The following POR variants were observed in gnomAD, a reference collection of about 807,000 sequenced individuals.
The protein encoded by POR is NADPH--cytochrome P450 reductase.
POR carries 56 observed loss-of-function variants against 84.0 expected under a neutral mutation model. That is an observed-to-expected ratio of 0.67 (90% CI 0.54 to 0.83). The LOEUF (loss-of-function observed/expected upper bound fraction) is 0.83. POR is among the 40% of genes least tolerant of loss of function. POR has a pLI of 0.00. For synonymous variants in POR, 414 were observed against 400.5 expected, an observed-to-expected ratio of 1.03 and a Z score of -0.40; for missense variants, 938 against 944.3, an observed-to-expected ratio of 0.99 and a Z score of 0.09.
chr7:75,982,858 T>C (rs1339982919), intron 8 of POR, among the ~76,000 whole-genome samples: 1 of 152,184 alleles, frequency 6.6e-6, no homozygotes. Context: ...AGTTTCTCTC[T>C]TGTCCACGGT....
intron 2 of POR, among the ~76,000 whole-genome samples, chr7:75,961,820 C>T (rs1027957244): frequency 9.2e-5 from 14 of 152,148 alleles, no homozygotes; most frequent in Admixed American, 3.3e-4. Flanking sequence ...TCGAGATCAG[C>T]CTGGGTAGCA....
chr7:75,972,397 C>G lies in POR; in HGVS notation c.189-16C>G. The G allele has an allele frequency of 6.2e-7, 1 of 1,607,926 alleles. No homozygotes were observed. Among genetic ancestry groups the G allele is most frequent in the Non-Finnish European group, 8.5e-7 (1 of 1,176,966 alleles). On this transcript the variant is annotated splice_polypyrimidine_tract_variant and intron_variant, in intron 2 of 15. Coordinates refer to ENST00000461988, the MANE Select transcript of POR (RefSeq NM_000941.3). Reference sequence around the variant, plus strand: ...ACACCTGCCTCCCACGCTCATTGCACACTTTTGTCTTGCAGGACCTCCTCT... The same window carrying G: ...ACACCTGCCTCCCACGCTCATTGCAGACTTTTGTCTTGCAGGACCTCCTCT...
chr7:75,925,749 G>A (rs1203659242), intron 1 of POR, among the ~76,000 whole-genome samples: 2 of 152,210 alleles, frequency 1.3e-5, no homozygotes, highest in African/African-American at 4.8e-5. Context: ...AAGAACAGGA[G>A]TGTTCCCACA....
chr7:75,976,616 G>A (rs529440230), intron 3 of POR, among the ~76,000 whole-genome samples: 3 of 149,154 alleles, frequency 2.0e-5, no homozygotes, highest in South Asian at 2.1e-4. Flanking sequence ...GCATGGTGAC[G>A]GACACCTGTA....
chr7:75,946,242 G>A (rs904508987), intron 1 of POR, among the ~76,000 whole-genome samples: 2 of 152,032 alleles, frequency 1.3e-5, no homozygotes, highest in Admixed American at 1.3e-4. Context: ...TCTATTTAGA[G>A]TTGGGGAGAT....
intron 2 of POR, among the ~76,000 whole-genome samples, chr7:75,956,572 G>A (rs1554553772): frequency 1.3e-5 from 2 of 152,128 alleles, no homozygotes; most frequent in Admixed American, 6.5e-5. Context: ...TCTTAAATGA[G>A]GAAGAGTCTA....
At chr7:75,937,291 C>CAA (rs1227123390) in intron 1 of POR, among the ~76,000 whole-genome samples, 12 of 66,268 alleles carry the variant, frequency 1.8e-4, no homozygotes, top group African/African-American at 4.4e-4. Context: ...CCCATCTCTA[C>CAA]AAAAAAAAAA....
At chr7:75,920,206 C>T (rs1429182760) in intron 1 of POR, among the ~76,000 whole-genome samples, 3 of 151,884 alleles carry the variant, frequency 2.0e-5, no homozygotes, top group African/African-American at 7.3e-5. Context: ...GCTGGGATTA[C>T]AGGCGCGTGC....
intron 1 of POR, among the ~76,000 whole-genome samples, chr7:75,937,835 G>A (rs959289875): frequency 2.0e-4 from 31 of 152,058 alleles, no homozygotes; most frequent in African/African-American, 5.8e-4. Flanking sequence ...ATGAACCAGC[G>A]TGAACTCCTG....
chr7:75,936,359 C>T (rs933364406), intron 1 of POR, among the ~76,000 whole-genome samples: 1 of 151,722 alleles, frequency 6.6e-6, no homozygotes, highest in East Asian at 1.9e-4. Context: ...TCTCCAGCCT[C>T]GGCCTCCCAA....
intron 1 of POR, chr7:75,946,843 T>C (rs1459733389): frequency 6.6e-6 from 1 of 152,264 alleles, no homozygotes; most frequent in East Asian, 1.9e-4. Context: ...CAGAACCTCC[T>C]CGGAGCGATT....
intron 7 of POR, chr7:75,981,900 T>C: frequency 5.3e-6 from 3 of 570,960 alleles, no homozygotes; most frequent in Non-Finnish European, 3.1e-6. Context: ...TCCACAGACT[T>C]GGCCAAAAAC....
chr7:75,980,947 CA>C, intron 5 of POR, 100 bp from the exon 6 acceptor site: 1 of 1,378,270 alleles, frequency 7.3e-7, no homozygotes. Context: ...GTGTTGCCAG[CA>C]GCTCAGCCAG....
chr7:75,940,541 T>G (rs1554551383), intron 1 of POR, among the ~76,000 whole-genome samples: 1 of 143,292 alleles, frequency 7.0e-6, no homozygotes, highest in Non-Finnish European at 1.5e-5. Flanking sequence ...TACCAGCACT[T>G]TGGGAGGCTG....
chr7:75,948,409 C>T lies in POR; in HGVS notation c.-4-5580C>T, dbSNP rs547181541. On this transcript the variant is annotated intron_variant, in intron 1 of 15. Transcript: ENST00000461988. ...CCCCTGTTGGCTGCAGGAAGTCAGT[C>T]ACAGCCTCAAGGAGCAGCTCCTGTT... 1.5e-3 allele frequency among the ~76,000 whole-genome samples: 229 copies of T among 152,298 alleles called. 1 individual carries two copies. The highest frequency in any genetic ancestry group is 2.9e-3 in the Non-Finnish European group (196 of 68,034).
intron 1 of POR, among the ~76,000 whole-genome samples, chr7:75,920,413 G>A (rs1806798847): frequency 6.6e-6 from 1 of 152,128 alleles, no homozygotes; most frequent in Non-Finnish European, 1.5e-5. Flanking sequence ...TAGGAGAATA[G>A]AAGGGGGAAA....
At chr7:75,939,536 CTTTTTTTT>C (rs3043448) in intron 1 of POR, among the ~76,000 whole-genome samples, 3 of 126,102 alleles carry the variant, frequency 2.4e-5, no homozygotes, top group African/African-American at 8.7e-5. Context: ...TACTCAACAG[CTTTTTTTT>C]TTTTTTTTTT....
intron 1 of POR, among the ~76,000 whole-genome samples, chr7:75,926,555 G>GGAGGCC (rs1807139829): frequency 6.6e-6 from 1 of 152,058 alleles, no homozygotes; most frequent in African/African-American, 2.4e-5. Flanking sequence ...CAGCACTTTG[G>GGAGGCC]GAGGCCGAGG....
At chr7:75,936,787 G>A (rs1554550865) in intron 1 of POR, among the ~76,000 whole-genome samples, 1 of 150,938 alleles carries the variant, frequency 6.6e-6, no homozygotes, top group Admixed American at 6.6e-5. Context: ...GAAAAGTAAA[G>A]CAAGACCCCT....
Sources: allele counts gnomAD v4.1 joint callset (sites outside exome capture counted in the v4.1 genomes callset), GRCh38; gene constraint gnomAD v4.1.1; transcripts MANE v1.5; gene names NCBI Gene and HGNC (gene_info 2026-07-23, HGNC 2026-07-21).